The following SLC35E2B variants were observed in gnomAD, a reference collection of about 807,000 sequenced individuals.
SLC35E2B encodes solute carrier family 35 member E2B, also known as solute carrier family 35, member E2B.
Under a neutral mutation model 32.4 loss-of-function variants are expected in SLC35E2B, and 18 were observed. That is an observed-to-expected ratio of 0.56 (90% CI 0.38 to 0.82). The LOEUF is 0.82. SLC35E2B is among the 40% of genes least tolerant of loss of function. The pLI, the probability that SLC35E2B is intolerant of heterozygous loss-of-function variation, is 0.00. For missense variants in SLC35E2B, 263 were observed against 469.5 expected, an observed-to-expected ratio of 0.56 and a Z score of 4.06; for synonymous variants, 132 against 209.1, an observed-to-expected ratio of 0.63 and a Z score of 3.18.
At chr1:1,677,928 G>A (rs1315427996) in intron 2 of SLC35E2B, among the ~76,000 whole-genome samples, 1 of 151,786 alleles carries the variant, frequency 6.6e-6, no homozygotes, top group Non-Finnish European at 1.5e-5. Flanking sequence ...CTGGGGCTTT[G>A]CACAGACGCC....
intron 2 of SLC35E2B, among the ~76,000 whole-genome samples, chr1:1,687,380 G>A (rs1337572245): frequency 6.6e-6 from 1 of 151,856 alleles, no homozygotes; most frequent in Non-Finnish European, 1.5e-5. Context: ...AGTTCTAGAC[G>A]AGCCTGGGCA....
At chr1:1,673,685 G>A (rs1359338656) in intron 5 of SLC35E2B, among the ~76,000 whole-genome samples, 2 of 143,956 alleles carry the variant, frequency 1.4e-5, no homozygotes, top group Admixed American at 7.0e-5. Flanking sequence ...AAAGAGGGCC[G>A]GCTGTGGTGG....
intron 2 of SLC35E2B, among the ~76,000 whole-genome samples, chr1:1,683,347 G>C (rs1004074467): frequency 6.6e-6 from 1 of 152,158 alleles, no homozygotes; most frequent in Admixed American, 6.5e-5. Flanking sequence ...CCGTGCTTCT[G>C]ACCGGCAGCT....
At position 1,665,070 on chromosome 1, in the gene SLC35E2B, G is replaced by T; in HGVS notation, c.*712C>A. 3.7e-6 allele frequency: 2 copies of T among 543,552 alleles called. No homozygotes were observed. Among genetic ancestry groups the T allele is most frequent in the Non-Finnish European group, 4.7e-6 (2 of 426,104 alleles). The allele number at this position is 543,552 out of a possible 1,614,324, so 33.7% of individuals were successfully genotyped here. ...GGTTGCGGGGAGCTCACGCAGCCCA[G>T]GGTGTGGAAGGGATAGGAGGGCAGG... On this transcript the variant is annotated 3_prime_UTR_variant, in exon 10 of 10. Coordinates refer to ENST00000617444, the MANE Select transcript of SLC35E2B (RefSeq NM_001290264.2).
chr1:1,668,596 C>T (rs1389474046), intron 8 of SLC35E2B, 124 bp from the exon 9 acceptor site: 5 of 1,563,988 alleles, frequency 3.2e-6, no homozygotes, highest in Non-Finnish European at 4.4e-6. Context: ...GAGGACAGCC[C>T]TGAAAATGCC....
rs1340009358 is a variant in SLC35E2B at position 1,692,708 on chromosome 1, T to G, written c.-825A>C. 1.0e-6 allele frequency: 1 copy of G among 983,338 alleles called. No individual in the cohort carries two copies. The highest frequency in any genetic ancestry group is 1.2e-6 in the Non-Finnish European group (1 of 828,696). The allele number at this position is 983,338 out of a possible 1,614,324, so 60.9% of individuals were successfully genotyped here. On this transcript the variant is annotated 5_prime_UTR_variant, in exon 1 of 10. Transcript: ENST00000617444. ...CTCGCTGCCCCGCGGGCGCCGCTCC[T>G]CAGTGCCCCAGAGCCACGGAGCCGG... is the stretch of plus-strand genomic sequence containing the variant.
intron 7 of SLC35E2B, 107 bp downstream of exon 7, chr1:1,669,991 G>A: frequency 1.8e-6 from 2 of 1,105,182 alleles, no homozygotes; most frequent in South Asian, 2.7e-5. Flanking sequence ...GGCCACCCAA[G>A]CCAGACAGGA....
At chr1:1,668,615 A>G in intron 8 of SLC35E2B, 143 bp from the exon 9 acceptor site, 1 of 1,496,636 alleles carries the variant, frequency 6.7e-7, no homozygotes, top group African/African-American at 1.4e-5. Flanking sequence ...CCTCGAGCGG[A>G]CAGCTGGACT....
intron 7 of SLC35E2B, 25 bp from the exon 8 acceptor site, chr1:1,669,761 C>A: frequency 1.9e-6 from 3 of 1,547,730 alleles, no homozygotes; most frequent in Admixed American, 2.0e-5. Context: ...ACACGCTGGG[C>A]CCCCCGTGTC....
chr1:1,663,881 C>T lies in SLC35E2B; in HGVS notation c.*1901G>A, dbSNP rs1473242275. On this transcript the variant is annotated 3_prime_UTR_variant, in exon 10 of 10. Transcript: ENST00000617444. ...ACACACCTGGCCTGTCCTCCACACA[C>T]AGGTCAGCGGTTTTATAGAAGCGGC... is the stretch of plus-strand genomic sequence containing the variant. The T allele has an allele frequency of 1.2e-6, 1 of 858,566 alleles. No individual in the cohort carries two copies. Among genetic ancestry groups the T allele is most frequent in the Non-Finnish European group, 1.4e-6 (1 of 712,656 alleles). 53.2% of individuals were successfully genotyped at this position (858,566 alleles called of 1,614,324 possible).
At chr1:1,685,247 C>T (rs1208293574) in intron 2 of SLC35E2B, among the ~76,000 whole-genome samples, 1 of 151,122 alleles carries the variant, frequency 6.6e-6, no homozygotes. Flanking sequence ...TATGACGAAA[C>T]CTCATCTCTA....
intron 2 of SLC35E2B, among the ~76,000 whole-genome samples, chr1:1,680,188 C>G (rs746104595): frequency 2.0e-5 from 3 of 151,402 alleles, no homozygotes; most frequent in Non-Finnish European, 2.9e-5. Flanking sequence ...GTAGTCCTAA[C>G]TACTTAGGAG....
intron 2 of SLC35E2B, among the ~76,000 whole-genome samples, chr1:1,680,229 A>G (rs1443372848): frequency 2.0e-5 from 3 of 151,880 alleles, no homozygotes; most frequent in Middle Eastern, 3.2e-3. Flanking sequence ...TGAACAAGAG[A>G]GGTCAAGGCT....
rs941690302 is a variant in SLC35E2B, at chr1:1,681,593, A to G, written c.-147-4747T>C. ...ACAATCTCAGCTCACCGTAGCCCCC[A>G]CTTCTTGGATTCAAGGGATTCGCAT... On this transcript the variant is annotated intron_variant, in intron 2 of 9. Coordinates refer to ENST00000617444, the MANE Select transcript of SLC35E2B (RefSeq NM_001290264.2). 8.9e-5 allele frequency among the ~76,000 whole-genome samples: 13 copies of G among 146,426 alleles called. No homozygotes were observed. The East Asian group carries it at 1.9e-3, about 22-fold the overall frequency.
chr1:1,682,822 G>A (rs1279765207), intron 2 of SLC35E2B, among the ~76,000 whole-genome samples: 2 of 152,084 alleles, frequency 1.3e-5, no homozygotes, highest in Non-Finnish European at 2.9e-5. Flanking sequence ...GGTGGCTCAC[G>A]CCTGTAATCC....
At position 1,670,097 on chromosome 1, in the gene SLC35E2B, C is replaced by G. The variant is rs572880205; in HGVS notation, c.761+1G>C. 9.7e-6 allele frequency: 15 copies of G among 1,550,600 alleles called. No homozygotes were observed. Among genetic ancestry groups the G allele is most frequent in the Non-Finnish European group, 1.3e-5 (15 of 1,145,782 alleles). ...AGATTTCACTGACGAATAATACTTA[C>G]GAGAACCTGTATTTGTCCCCGCTGA... On this transcript the variant is annotated splice_donor_variant, in intron 7 of 9. Coordinates refer to ENST00000617444, the MANE Select transcript of SLC35E2B (RefSeq NM_001290264.2). LOFTEE classifies it high-confidence loss of function.
At chr1:1,689,661 G>C (rs914839657) in intron 2 of SLC35E2B, among the ~76,000 whole-genome samples, 1 of 151,464 alleles carries the variant, frequency 6.6e-6, no homozygotes, top group Non-Finnish European at 1.5e-5. Flanking sequence ...GGACTAACTT[G>C]GCTAAATGAA....
chr1:1,665,623 T>C lies in SLC35E2B; in HGVS notation c.*159A>G, dbSNP rs572255432. ...GATACCTGGAATCCCCAGTTTGAGT[T>C]TCTGCTGGTCTTCACCGACAAACCG... On this transcript the variant is annotated 3_prime_UTR_variant, in exon 10 of 10. Coordinates refer to ENST00000617444, the MANE Select transcript of SLC35E2B (RefSeq NM_001290264.2). 779 of 1,181,082 alleles carry C rather than the reference T, an allele frequency of 6.6e-4. 9 individuals are homozygous for C. In the South Asian group the frequency reaches 0.012, roughly 18 times the overall value. The allele number at this position is 1,181,082 out of a possible 1,614,324, so 73.2% of individuals were successfully genotyped here.
chr1:1,681,102 G>A (rs1407475637), intron 2 of SLC35E2B, among the ~76,000 whole-genome samples: 4 of 152,236 alleles, frequency 2.6e-5, no homozygotes, highest in South Asian at 2.1e-4. Flanking sequence ...CCCACGGTTC[G>A]TTCCTGTCAC....
Sources: gnomAD v4.1 joint callset for allele counts (sites outside exome capture counted in the v4.1 genomes callset) on GRCh38, gnomAD v4.1.1 for gene constraint, MANE v1.5 for transcripts, NCBI Gene and HGNC (gene_info 2026-07-23, HGNC 2026-07-21) for gene names.